Variants in SLC2A9 observed in about 807,000 individuals in gnomAD.
The protein encoded by SLC2A9 is solute carrier family 2, facilitated glucose transporter member 9.
SLC2A9 carries 39 observed loss-of-function variants against 50.6 expected under a neutral mutation model. The ratio of observed to expected loss-of-function variants is 0.77; its 90% CI spans 0.60 to 1.01. SLC2A9 has a LOEUF of 1.01. SLC2A9 is among the 50% of genes least tolerant of loss of function. The pLI, the probability that SLC2A9 is intolerant of heterozygous loss-of-function variation, is 0.00. For missense variants in SLC2A9, 686 were observed against 677.6 expected, an observed-to-expected ratio of 1.01 and a Z score of -0.14; for synonymous variants, 324 against 276.9, an observed-to-expected ratio of 1.17 and a Z score of -1.69.
At chr4:9,846,115 G>A (rs560743833) in intron 10 of SLC2A9, among the ~76,000 whole-genome samples, 13 of 152,314 alleles carry the variant, frequency 8.5e-5, no homozygotes, top group African/African-American at 2.6e-4. Flanking sequence ...GGTGGCACGA[G>A]CAGTAAATGA....
chr4:9,796,241 G>C (rs1344041606), downstream of SLC2A9, among the ~76,000 whole-genome samples: 2 of 152,096 alleles, frequency 1.3e-5, no homozygotes, highest in Non-Finnish European at 2.9e-5. Flanking sequence ...CATGAACATC[G>C]ACACTCATTT....
chr4:9,920,186 C>G (rs1321193297), intron 7 of SLC2A9, among the ~76,000 whole-genome samples, 199 bp downstream of exon 7: 1 of 152,228 alleles, frequency 6.6e-6, no homozygotes, highest in Non-Finnish European at 1.5e-5. Flanking sequence ...TGGATTGTGT[C>G]TTTCCATATT....
At chr4:9,829,269 T>C (rs966747246) in intron 11 of SLC2A9, among the ~76,000 whole-genome samples, 6 of 152,114 alleles carry the variant, frequency 3.9e-5, no homozygotes, top group Non-Finnish European at 5.9e-5. Context: ...CTAGGCGTGG[T>C]GGCAGTCGCC....
intron 10 of SLC2A9, among the ~76,000 whole-genome samples, chr4:9,849,249 A>T (rs961114035): frequency 2.5e-4 from 38 of 152,210 alleles, no homozygotes; most frequent in African/African-American, 8.2e-4. Flanking sequence ...TCCCCGATGC[A>T]GAGTGGGATA....
At position 10,009,227 on chromosome 4, in the gene SLC2A9, C is replaced by A. The variant is rs1447840654; in HGVS notation, c.249+9748G>T. 2.0e-5 allele frequency among the ~76,000 whole-genome samples: 3 copies of A among 152,182 alleles called. No homozygotes were observed. The East Asian group carries it at 5.8e-4, about 29-fold the overall frequency. ...CCTTGAGAATGGGTCTCAGGCCACA[C>A]CAGAGGCACCTGCCAGGCGACATGC... On this transcript the variant is annotated intron_variant, in intron 2 of 11. Transcript: ENST00000264784.
intron 10 of SLC2A9, among the ~76,000 whole-genome samples, chr4:9,866,449 T>C (rs938551): frequency 6.6e-5 from 10 of 151,404 alleles, no homozygotes; most frequent in African/African-American, 2.2e-4. Context: ...CCAAGCTCTG[T>C]GGCCATGGAG....
intron 1 of SLC2A9, chr4:10,034,412 G>A (rs1764032522): frequency 6.6e-6 from 1 of 152,298 alleles, no homozygotes; most frequent in African/African-American, 2.4e-5. Context: ...ATCAGTTTCT[G>A]GCAAAGCCAA....
intron 1 of SLC2A9, among the ~76,000 whole-genome samples, chr4:10,037,755 C>A (rs1158524829): frequency 2.0e-5 from 3 of 152,042 alleles, no homozygotes; most frequent in African/African-American, 7.3e-5. Context: ...TCAAGACCAG[C>A]CTGAGCGACA....
In SLC2A9 at chr4:9,870,657, C is replaced by T. The variant is rs114323925; in HGVS notation, c.1291+16910G>A. Among the ~76,000 whole-genome samples, 704 of 152,276 alleles carry T rather than the reference C, an allele frequency of 4.6e-3. 6 individuals carry two copies. Among genetic ancestry groups the T allele is most frequent in the African/African-American group, 0.016 (666 of 41,548 alleles). On this transcript the variant is annotated intron_variant, in intron 10 of 11. Transcript: ENST00000264784. ...CACTAATTAACTCTGCCATAGGCTGCGGGAAAGTGATAAGTACTAAAACCG... is the reference window on the plus strand; with the variant it reads ...CACTAATTAACTCTGCCATAGGCTGTGGGAAAGTGATAAGTACTAAAACCG...
chr4:10,029,397 T>C (rs1763858184), intron 1 of SLC2A9: 1 of 152,194 alleles, frequency 6.6e-6, no homozygotes, highest in Admixed American at 6.5e-5. Flanking sequence ...GCCACCTTGA[T>C]GATGGGATGC....
chr4:9,886,538 G>T (rs901927259), intron 10 of SLC2A9, among the ~76,000 whole-genome samples: 6 of 151,088 alleles, frequency 4.0e-5, no homozygotes, highest in Non-Finnish European at 5.9e-5. Context: ...TTGCCACCTT[G>T]CCATCTTATT....
intron 10 of SLC2A9, among the ~76,000 whole-genome samples, chr4:9,869,215 G>T (rs975081580): frequency 4.6e-5 from 7 of 152,134 alleles, no homozygotes; most frequent in Non-Finnish European, 1.0e-4. Flanking sequence ...TGGAACGGGG[G>T]AGTGGTCTCC....
intron 2 of SLC2A9, among the ~76,000 whole-genome samples, chr4:10,017,690 C>G (rs1365426356): frequency 6.6e-6 from 1 of 152,222 alleles, no homozygotes; most frequent in Non-Finnish European, 1.5e-5. Context: ...CAAGGAAAAG[C>G]CTGGAAGGCA....
chr4:9,933,667 C>T (rs913466943), intron 6 of SLC2A9, among the ~76,000 whole-genome samples: 6 of 152,224 alleles, frequency 3.9e-5, no homozygotes, highest in Non-Finnish European at 7.3e-5. Context: ...CTTCCTCTTG[C>T]TGCTACAGCA....
chr4:10,037,159 G>A (rs745830893), intron 1 of SLC2A9, among the ~76,000 whole-genome samples: 4 of 152,134 alleles, frequency 2.6e-5, no homozygotes, highest in Admixed American at 6.5e-5. Context: ...ACAATTTAAC[G>A]GTTTTTAGTA....
At chr4:9,980,366 G>A (rs1693175971) in intron 5 of SLC2A9, among the ~76,000 whole-genome samples, 1 of 152,170 alleles carries the variant, frequency 6.6e-6, no homozygotes, top group South Asian at 2.1e-4. Flanking sequence ...TAATTACTGG[G>A]TGGGTGGACT....
intron 7 of SLC2A9, among the ~76,000 whole-genome samples, chr4:9,909,401 C>T (rs547688791): frequency 2.6e-5 from 4 of 152,196 alleles, no homozygotes; most frequent in African/African-American, 9.7e-5. Flanking sequence ...TCATGTGAGA[C>T]TGAAAACCTT....
intron 3 of SLC2A9, among the ~76,000 whole-genome samples, chr4:9,989,638 G>C (rs1757336625): frequency 6.6e-6 from 1 of 152,006 alleles, no homozygotes; most frequent in Non-Finnish European, 1.5e-5. Flanking sequence ...ACCAGGCTCT[G>C]AGACCCCCTG....
chr4:9,791,311 G>C (rs1255811211), intron 3 of SLC2A9, among the ~76,000 whole-genome samples: 2 of 152,186 alleles, frequency 1.3e-5, no homozygotes, highest in Non-Finnish European at 2.9e-5. Flanking sequence ...CAGATATAGA[G>C]CTAATCCATG....
Sources: gnomAD v4.1 joint callset for allele counts (sites outside exome capture counted in the v4.1 genomes callset) on GRCh38, gnomAD v4.1.1 for gene constraint, MANE v1.5 for transcripts, NCBI Gene and HGNC (gene_info 2026-07-23, HGNC 2026-07-21) for gene names.